The following DIS3L2 variants were observed in gnomAD, a reference collection of about 807,000 sequenced individuals.
DIS3L2 encodes the protein DIS3-like exonuclease 2.
In DIS3L2, 34 loss-of-function variants were observed where a neutral mutation model predicts 97.5. The observed-to-expected ratio is 0.35, with a 90% CI of 0.27 to 0.46. DIS3L2 has a LOEUF of 0.46. Among genes scored for constraint, DIS3L2 ranks in the 20% least tolerant of loss-of-function variants. The pLI is 1.00. For synonymous variants in DIS3L2, 435 were observed against 445.2 expected, an observed-to-expected ratio of 0.98 and a Z score of 0.29; for missense variants, 1,038 against 1,146.0, an observed-to-expected ratio of 0.91 and a Z score of 1.36.
At chr2:232,132,354 A>T (rs1698244760) in intron 7 of DIS3L2, among the ~76,000 whole-genome samples, 1 of 152,218 alleles carries the variant, frequency 6.6e-6, no homozygotes, top group Non-Finnish European at 1.5e-5. Flanking sequence ...GTCAAACATT[A>T]AAACAAGAAA....
intron 9 of DIS3L2, among the ~76,000 whole-genome samples, chr2:232,194,517 A>G (rs368437705): frequency 2.0e-5 from 3 of 152,204 alleles, no homozygotes; most frequent in African/African-American, 7.2e-5. Flanking sequence ...AGGATACTGG[A>G]TGCCAAGCTG....
chr2:232,200,782 T>G (rs1213630708), intron 9 of DIS3L2, among the ~76,000 whole-genome samples: 2 of 129,022 alleles, frequency 1.6e-5, no homozygotes, highest in Non-Finnish European at 3.5e-5. Flanking sequence ...ACCAAAAGGT[T>G]TTTTTTTTTT....
chr2:232,020,911 C>T (rs1174730452), intron 3 of DIS3L2, among the ~76,000 whole-genome samples: 3 of 152,064 alleles, frequency 2.0e-5, no homozygotes, highest in Non-Finnish European at 2.9e-5. Flanking sequence ...ATAAGAGGAG[C>T]GTCTGTTATT....
intron 9 of DIS3L2, among the ~76,000 whole-genome samples, chr2:232,189,330 C>T (rs574453916): frequency 9.8e-5 from 15 of 152,302 alleles, no homozygotes; most frequent in Admixed American, 5.9e-4. Flanking sequence ...GCCCAGATGT[C>T]CTTCAGCAGA....
intron 10 of DIS3L2, among the ~76,000 whole-genome samples, chr2:232,217,084 G>A (rs1014753458): frequency 2.6e-5 from 4 of 152,050 alleles, no homozygotes; most frequent in Non-Finnish European, 4.4e-5. Flanking sequence ...TTTGTGATCC[G>A]CCTGCCTTGG....
intron 5 of DIS3L2, among the ~76,000 whole-genome samples, chr2:232,079,218 T>C (rs931122231): frequency 4.3e-4 from 65 of 152,300 alleles, no homozygotes; most frequent in African/African-American, 1.4e-3. Flanking sequence ...ACCTCTATGT[T>C]CATGAAACCT....
chr2:232,113,308 C>G (rs1055429150), intron 6 of DIS3L2, among the ~76,000 whole-genome samples: 1 of 152,208 alleles, frequency 6.6e-6, no homozygotes, highest in Non-Finnish European at 1.5e-5. Flanking sequence ...CAAATCTTTA[C>G]TTTTAAAACT....
At chr2:232,326,094 G>T (rs1352160703) in intron 14 of DIS3L2, among the ~76,000 whole-genome samples, 1 of 152,174 alleles carries the variant, frequency 6.6e-6, no homozygotes, top group Non-Finnish European at 1.5e-5. Context: ...CAGGGGAGAG[G>T]GCCCTGCTGA....
intron 13 of DIS3L2, among the ~76,000 whole-genome samples, chr2:232,270,472 A>G (rs1468590049): frequency 6.6e-6 from 1 of 152,188 alleles, no homozygotes; most frequent in Non-Finnish European, 1.5e-5. Context: ...AATCTTCTAA[A>G]ACATTATAAT....
At chr2:232,085,161 T>G (rs1163986995) in intron 5 of DIS3L2, among the ~76,000 whole-genome samples, 2 of 152,182 alleles carry the variant, frequency 1.3e-5, no homozygotes, top group African/African-American at 2.4e-5. Flanking sequence ...AAATGCTGCT[T>G]CCTCTAAGCA....
intron 5 of DIS3L2, among the ~76,000 whole-genome samples, chr2:232,085,603 C>CAGTATTCAA (rs1183798351): frequency 6.6e-6 from 1 of 152,046 alleles, no homozygotes; most frequent in Non-Finnish European, 1.5e-5. Context: ...AAAAAGGATG[C>CAGTATTCAA]AGTATTCAAG....
At chr2:232,247,248 T>C (rs1456495569) in intron 11 of DIS3L2, among the ~76,000 whole-genome samples, 1 of 152,218 alleles carries the variant, frequency 6.6e-6, no homozygotes, top group Non-Finnish European at 1.5e-5. Context: ...AACACAAGAA[T>C]GCATACCCAG....
At chr2:232,007,658 T>C (rs558987227) in intron 1 of DIS3L2, among the ~76,000 whole-genome samples, 6 of 152,330 alleles carry the variant, frequency 3.9e-5, no homozygotes, top group Non-Finnish European at 7.4e-5. Context: ...TACAAGAGAA[T>C]ATTTTGAACA....
intron 5 of DIS3L2, among the ~76,000 whole-genome samples, chr2:232,036,148 G>A (rs1694943399): frequency 2.6e-5 from 4 of 152,084 alleles, no homozygotes. Flanking sequence ...GTCACTTTCA[G>A]GTACATCAAT....
At chr2:232,323,736 G>A (rs1458273815) in intron 14 of DIS3L2, among the ~76,000 whole-genome samples, 1 of 152,248 alleles carries the variant, frequency 6.6e-6, no homozygotes, top group African/African-American at 2.4e-5. Flanking sequence ...GGCCCGAGCT[G>A]TGACTGGTGG....
chr2:232,060,404 T>C (rs1695672563), intron 5 of DIS3L2, among the ~76,000 whole-genome samples: 1 of 152,190 alleles, frequency 6.6e-6, no homozygotes, highest in Non-Finnish European at 1.5e-5. Context: ...TTTGATGTGA[T>C]TTTTGTATAT....
At chr2:231,996,342 C>T (rs1476006101) in intron 1 of DIS3L2, among the ~76,000 whole-genome samples, 4 of 152,178 alleles carry the variant, frequency 2.6e-5, no homozygotes, top group Admixed American at 1.3e-4. Flanking sequence ...AAACTGGATT[C>T]AGCCATAGAT....
intron 5 of DIS3L2, among the ~76,000 whole-genome samples, chr2:232,051,790 C>T (rs1238465750): frequency 5.7e-5 from 6 of 104,508 alleles, no homozygotes; most frequent in South Asian, 3.9e-4. Flanking sequence ...CCAGCCTGGG[C>T]GACAGAGCGA....
At chr2:232,203,828 G>T (rs1034062602) in intron 9 of DIS3L2, among the ~76,000 whole-genome samples, 2 of 152,198 alleles carry the variant, frequency 1.3e-5, no homozygotes, top group African/African-American at 4.8e-5. Flanking sequence ...TTGCAGGCAG[G>T]CCTTTAACTG....
Sources: gnomAD v4.1 joint callset for allele counts (sites outside exome capture counted in the v4.1 genomes callset) on GRCh38, gnomAD v4.1.1 for gene constraint, MANE v1.5 for transcripts, NCBI Gene and HGNC (gene_info 2026-07-23, HGNC 2026-07-21) for gene names.